Variants in RARB observed in about 807,000 individuals in gnomAD.
The protein encoded by RARB is HBV-activated protein.
RARB carries 17 observed loss-of-function variants against 51.9 expected under a neutral mutation model. The ratio of observed to expected loss-of-function variants is 0.33; its 90% CI spans 0.22 to 0.49. The LOEUF is 0.49. Ranked by LOEUF, RARB falls within the 20% of genes least tolerant of loss-of-function variation. The pLI is 0.99. For missense variants in RARB, 369 were observed against 550.8 expected, an observed-to-expected ratio of 0.67 and a Z score of 3.30; for synonymous variants, 215 against 195.4, an observed-to-expected ratio of 1.10 and a Z score of -0.84.
At chr3:24,839,791 C>T (rs139557540) in intron 1 of RARB, among the ~76,000 whole-genome samples, 6 of 150,656 alleles carry the variant, frequency 4.0e-5, no homozygotes, top group African/African-American at 1.5e-4. Context: ...AAATTATACT[C>T]GTGTTTAGAA....
At chr3:25,532,940 G>T (rs1575493983) in intron 3 of RARB, among the ~76,000 whole-genome samples, 1 of 152,284 alleles carries the variant, frequency 6.6e-6, no homozygotes, top group Non-Finnish European at 1.5e-5. Context: ...TCCTATGCTT[G>T]CAATTCAGCA....
chr3:25,547,659 A>G (rs529508151), intron 3 of RARB, among the ~76,000 whole-genome samples: 5 of 152,294 alleles, frequency 3.3e-5, no homozygotes, highest in East Asian at 1.9e-4. Flanking sequence ...AAAAAGATCA[A>G]TGAACCCCCA....
chr3:25,274,541 G>A (rs1703334076), intron 5 of RARB, among the ~76,000 whole-genome samples: 1 of 152,224 alleles, frequency 6.6e-6, no homozygotes, highest in Non-Finnish European at 1.5e-5. Flanking sequence ...AATTTCTGGA[G>A]CCTGGCTCCC....
chr3:25,182,763 T>A (rs1308894428), intron 5 of RARB, among the ~76,000 whole-genome samples: 3 of 152,184 alleles, frequency 2.0e-5, no homozygotes, highest in Non-Finnish European at 4.4e-5. Flanking sequence ...AAAGAGATGT[T>A]GAAGCCTTTA....
chr3:24,972,392 G>C (rs745326279), intron 2 of RARB, among the ~76,000 whole-genome samples: 11 of 151,918 alleles, frequency 7.2e-5, no homozygotes, highest in Non-Finnish European at 1.2e-4. Flanking sequence ...TTCATCTACT[G>C]ATGGCCACTT....
intron 2 of RARB, among the ~76,000 whole-genome samples, chr3:24,863,335 G>A (rs765135493): frequency 1.3e-5 from 2 of 152,290 alleles, no homozygotes; most frequent in African/African-American, 4.8e-5. Flanking sequence ...TGTGAGCTTG[G>A]TGATGACAAT....
chr3:25,399,111 A>G (rs1015747106), intron 5 of RARB, among the ~76,000 whole-genome samples: 5 of 152,182 alleles, frequency 3.3e-5, no homozygotes, highest in South Asian at 2.1e-4. Context: ...AGGAAGATAC[A>G]TAGACCTGAT....
At chr3:24,982,070 T>C (rs953515361) in intron 2 of RARB, among the ~76,000 whole-genome samples, 18 of 152,190 alleles carry the variant, frequency 1.2e-4, no homozygotes, top group African/African-American at 3.4e-4. Context: ...ACTGCTTCAA[T>C]GATATTATAT....
intron 2 of RARB, among the ~76,000 whole-genome samples, chr3:24,965,369 C>G (rs1696233143): frequency 6.6e-6 from 1 of 152,082 alleles, no homozygotes; most frequent in Non-Finnish European, 1.5e-5. Context: ...GAGGTCATTT[C>G]GAGGAAGGCT....
intron 3 of RARB, among the ~76,000 whole-genome samples, chr3:25,521,008 G>A (rs141157109): frequency 1.6e-4 from 25 of 152,224 alleles, no homozygotes; most frequent in Middle Eastern, 3.4e-3. Context: ...AAAATATCAA[G>A]AGTATCAAAA....
intron 2 of RARB, among the ~76,000 whole-genome samples, chr3:24,930,653 A>G (rs541826805): frequency 3.9e-4 from 60 of 152,084 alleles, no homozygotes; most frequent in Non-Finnish European, 2.6e-4. Context: ...CACGGTTCCA[A>G]ATTCTTTTCA....
chr3:25,285,226 G>A (rs889415448), intron 5 of RARB, among the ~76,000 whole-genome samples: 2 of 152,220 alleles, frequency 1.3e-5, no homozygotes, highest in African/African-American at 4.8e-5. Context: ...TACTGAGGTA[G>A]AGTTAGACAA....
chr3:24,993,886 T>C (rs565974836), intron 2 of RARB, among the ~76,000 whole-genome samples: 4 of 152,204 alleles, frequency 2.6e-5, no homozygotes, highest in Admixed American at 6.6e-5. Context: ...TATACCATGC[T>C]TTCTTTATCC....
intron 5 of RARB, among the ~76,000 whole-genome samples, chr3:25,380,031 G>T (rs893328287): frequency 3.9e-5 from 6 of 152,142 alleles, no homozygotes; most frequent in Admixed American, 6.5e-5. Flanking sequence ...TGTTGGACTG[G>T]ATAAGAACTC....
intron 5 of RARB, among the ~76,000 whole-genome samples, chr3:25,314,745 C>T (rs1458699398): frequency 1.3e-5 from 2 of 152,132 alleles, no homozygotes; most frequent in Admixed American, 1.3e-4. Context: ...AGGTTTGTTA[C>T]ATGGGTATAT....
intron 2 of RARB, among the ~76,000 whole-genome samples, chr3:25,490,313 C>G (rs1696667680): frequency 6.6e-6 from 1 of 152,122 alleles, no homozygotes; most frequent in Non-Finnish European, 1.5e-5. Flanking sequence ...AATTTAGGTC[C>G]TTAACATTAT....
chr3:25,381,250 G>A (rs1387742955), intron 5 of RARB, among the ~76,000 whole-genome samples: 1 of 152,180 alleles, frequency 6.6e-6, no homozygotes, highest in East Asian at 1.9e-4. Context: ...AGGCTCCCAA[G>A]GAGGACTCTC....
At chr3:24,937,058 G>C (rs930042860) in intron 2 of RARB, among the ~76,000 whole-genome samples, 2 of 152,150 alleles carry the variant, frequency 1.3e-5, no homozygotes, top group African/African-American at 2.4e-5. Context: ...GTCTGTAAAA[G>C]AATGTAACAT....
chr3:25,025,055 T>G (rs1199196163), intron 2 of RARB: 1 of 151,984 alleles, frequency 6.6e-6, no homozygotes, highest in Non-Finnish European at 1.5e-5. Flanking sequence ...ATCTCAGAAG[T>G]TAAGCAGGAT....
Sources: gnomAD v4.1 joint callset for allele counts (sites outside exome capture counted in the v4.1 genomes callset) on GRCh38, gnomAD v4.1.1 for gene constraint, MANE v1.5 for transcripts, NCBI Gene and HGNC (gene_info 2026-07-23, HGNC 2026-07-21) for gene names.